The following RYR2 variants were observed in gnomAD, a reference collection of about 807,000 sequenced individuals.
The protein encoded by RYR2 is ryanodine receptor 2, also known as cardiac muscle ryanodine receptor-calcium release channel.
RYR2 carries 227 observed loss-of-function variants against 601.1 expected under a neutral mutation model. That is an observed-to-expected ratio of 0.38 (90% CI 0.34 to 0.42). The LOEUF is 0.42. Among genes scored for constraint, RYR2 ranks in the 10% least tolerant of loss-of-function variants. The pLI is 1.00. For missense variants in RYR2, 4,646 were observed against 6,156.5 expected (o/e 0.75, Z 8.21); for synonymous variants, 2,223 against 2,175.1 (o/e 1.02, Z -0.61).
At chr1:237,340,917 TTGTC>T (rs1310151738) in intron 3 of RYR2, among the ~76,000 whole-genome samples, 1 of 152,274 alleles carries the variant, frequency 6.6e-6, no homozygotes, top group East Asian at 1.9e-4. Context: ...ATGTGGAAAT[TTGTC>T]TGTGGTTGAA....
intron 1 of RYR2, among the ~76,000 whole-genome samples, chr1:237,142,890 C>T (rs115079241): frequency 1.8e-3 from 274 of 152,152 alleles, no homozygotes; most frequent in African/African-American, 5.9e-3. Context: ...CAGGTAATTT[C>T]GGGGGCCTCT....
rs1368018950 is a variant in RYR2 at position 237,784,939 on chromosome 1, A to G, written c.13227A>G (p.Pro4409=). 1.2e-6 allele frequency: 2 copies of G among 1,604,138 alleles called. No individual in the cohort carries two copies. Among genetic ancestry groups the G allele is most frequent in the Non-Finnish European group, 1.7e-6 (2 of 1,175,146 alleles). Residue 4409 remains proline, a synonymous_variant, in exon 90 of 105, where the codon CCA becomes CCG. Coordinates refer to ENST00000366574, the MANE Select transcript of RYR2 (RefSeq NM_001035.3). This position sits in a 1 kb window ranked among gnomAD's most constrained non-coding sequence, Gnocchi z 7.1. The part of the protein sequence containing the change: ...NAGLSDLMSN[P]VPMPEVQEKF... ...GGCTCAGTGACCTCATGAGCAACCC[A>G]GTCCCCATGCCTGAGGTGCAGGAAA...
chr1:237,177,743 C>A, intron 1 of RYR2, among the ~76,000 whole-genome samples: 1 of 152,256 alleles, frequency 6.6e-6, no homozygotes, highest in South Asian at 2.1e-4. Flanking sequence ...CTGCTATGAA[C>A]AATCTTGTAT....
At chr1:237,131,174 T>C (rs1349543374) in intron 1 of RYR2, among the ~76,000 whole-genome samples, 5 of 152,032 alleles carry the variant, frequency 3.3e-5, no homozygotes, top group East Asian at 3.9e-4. Flanking sequence ...ATAATGACAG[T>C]TCCCCCTGGG....
At chr1:237,387,217 A>G (rs1702016696) in intron 8 of RYR2, 64 bp from the exon 9 acceptor site, 38 of 1,402,634 alleles carry the variant, frequency 2.7e-5, no homozygotes, top group Non-Finnish European at 3.8e-5. Context: ...GCATTCCTAG[A>G]AGCACTTACA....
chr1:237,110,486 A>G (rs556303585), intron 1 of RYR2, among the ~76,000 whole-genome samples: 1,485 of 146,396 alleles, frequency 0.01, 26 homozygotes, highest in African/African-American at 0.035. Flanking sequence ...TCATTGTTCA[A>G]TTCCCACCTA....
rs1210999726 is a variant in RYR2, at chr1:237,456,708, ATTCTGAATTCTC to A, written c.1587_1598del (p.Ile529_Leu533delinsMet). ...AGAAGCAGGAGAGTCTTGGAAATCC[ATTCTGAATTCTC>A]TGTATGAGTTGCTGGGTAAGAAGCA... is the stretch of plus-strand genomic sequence containing the variant. On this transcript the variant is annotated inframe_deletion, in exon 16 of 105. Transcript: ENST00000366574. 1.2e-6 allele frequency: 2 copies of A among 1,613,492 alleles called. No individual in the cohort carries two copies. Among genetic ancestry groups the A allele is most frequent in the Non-Finnish European group, 1.7e-6 (2 of 1,179,654 alleles).
At chr1:237,093,760 C>T (rs556171882) in intron 1 of RYR2, among the ~76,000 whole-genome samples, 53 of 152,256 alleles carry the variant, frequency 3.5e-4, no homozygotes, top group African/African-American at 1.2e-3. Context: ...AGAGATTAAT[C>T]GATTCTTTTG....
intron 7 of RYR2, 26 bp from the exon 8 acceptor site, chr1:237,377,297 T>C: frequency 5.2e-6 from 8 of 1,533,524 alleles, no homozygotes; most frequent in Non-Finnish European, 6.2e-6. Flanking sequence ...AACTTTTTCA[T>C]GTTTCACATA....
At chr1:237,676,236 C>A (rs1685385677) in intron 60 of RYR2, among the ~76,000 whole-genome samples, 1 of 152,070 alleles carries the variant, frequency 6.6e-6, no homozygotes, top group African/African-American at 2.4e-5. Context: ...ACAAGAAAGT[C>A]ATTTGTTTTT....
At chr1:237,544,306 C>A (rs190312611) in intron 25 of RYR2, among the ~76,000 whole-genome samples, 8 of 152,128 alleles carry the variant, frequency 5.3e-5, no homozygotes, top group Admixed American at 5.2e-4. Context: ...TATACCTGTT[C>A]AGTAAATAAA....
At chr1:237,157,012 C>T (rs552873403) in intron 1 of RYR2, among the ~76,000 whole-genome samples, 2 of 152,158 alleles carry the variant, frequency 1.3e-5, no homozygotes, top group South Asian at 2.1e-4. Context: ...AACCACCATA[C>T]GGGCCGGGCA....
intron 80 of RYR2, among the ~76,000 whole-genome samples, chr1:237,745,823 G>GAGAC (rs1358073142): frequency 6.6e-6 from 1 of 152,040 alleles, no homozygotes; most frequent in African/African-American, 2.4e-5. Context: ...GTCTCAGCAA[G>GAGAC]AGACAGGCTT....
intron 39 of RYR2, 105 bp from the exon 40 acceptor site, chr1:237,625,556 A>G: frequency 4.5e-6 from 5 of 1,112,550 alleles, no homozygotes; most frequent in Non-Finnish European, 6.4e-6. Flanking sequence ...GATGTTTTTG[A>G]CATTGTTCTA....
chr1:237,597,075 C>T (rs1195222800), intron 34 of RYR2, among the ~76,000 whole-genome samples: 2 of 152,096 alleles, frequency 1.3e-5, no homozygotes, highest in African/African-American at 4.8e-5. Context: ...AAAACCCATT[C>T]GTAGAAGTAA....
At chr1:237,291,602 A>G (rs936370335) in intron 2 of RYR2, among the ~76,000 whole-genome samples, 3 of 152,214 alleles carry the variant, frequency 2.0e-5, no homozygotes, top group African/African-American at 4.8e-5. Context: ...ATTCAGTGAT[A>G]AAAAGAAATG....
At position 237,707,186 on chromosome 1, in the gene RYR2, T is replaced by G; in HGVS notation, c.9818T>G (p.Met3273Arg). 1 of 1,612,968 alleles carries G rather than the reference T, an allele frequency of 6.2e-7. No individual in the cohort carries two copies. Among genetic ancestry groups the G allele is most frequent in the Non-Finnish European group, 8.5e-7 (1 of 1,179,146 alleles). Reference protein sequence around the residue: ...MCCTALNSEHMNTLLGNILKI... With the variant: ...MCCTALNSEHRNTLLGNILKI... ...TGCACAGCCCTGAACTCAGAGCACA[T>G]GAACACACTTCTAGGGAACATATTG... Residue 3273 changes from methionine (M) to arginine (R), a missense_variant, in exon 68 of 105, where the codon ATG becomes AGG. Transcript: ENST00000366574.
chr1:237,454,340 G>T (rs1484131294), intron 14 of RYR2, 51 bp from the exon 15 acceptor site: 4 of 1,528,822 alleles, frequency 2.6e-6, no homozygotes, highest in African/African-American at 1.4e-5. Flanking sequence ...ATGGAAAAAT[G>T]ATAAAATTGT....
At chr1:237,317,855 A>T (rs1026560685) in intron 2 of RYR2, among the ~76,000 whole-genome samples, 1 of 152,064 alleles carries the variant, frequency 6.6e-6, no homozygotes, top group African/African-American at 2.4e-5. Flanking sequence ...GTAGTTTTTA[A>T]TCTATGATGT....
Sources: gnomAD v4.1 joint callset for allele counts (sites outside exome capture counted in the v4.1 genomes callset) on GRCh38, gnomAD v4.1.1 for gene constraint, Gnocchi (gnomAD v3.1) non-coding constraint, MANE v1.5 for transcripts, NCBI Gene and HGNC (gene_info 2026-07-23, HGNC 2026-07-21) for gene names.